Variants in C2CD3 observed in about 807,000 individuals in gnomAD.
C2CD3 encodes the protein C2 domain containing 3 centriole elongation regulator.
C2CD3 carries 148 observed loss-of-function variants against 234.0 expected under a neutral mutation model. The observed-to-expected ratio is 0.63, with a 90% CI of 0.55 to 0.72. The LOEUF (loss-of-function observed/expected upper bound fraction) is 0.72. C2CD3 is among the 30% of genes least tolerant of loss of function. C2CD3 has a pLI of 0.00. For missense variants in C2CD3, 2,577 were observed against 2,811.5 expected, an observed-to-expected ratio of 0.92 and a Z score of 1.89; for synonymous variants, 1,000 against 1,035.4, an observed-to-expected ratio of 0.97 and a Z score of 0.66.
At chr11:74,025,292 T>C (rs572276847) in intron 32 of C2CD3, among the ~76,000 whole-genome samples, 1 of 151,352 alleles carries the variant, frequency 6.6e-6, no homozygotes, top group South Asian at 2.1e-4. Flanking sequence ...GAGCATAGAG[T>C]TGTGAGTGCG....
At chr11:74,111,859 T>G (rs950522168) in intron 11 of C2CD3, among the ~76,000 whole-genome samples, 4 of 150,412 alleles carry the variant, frequency 2.7e-5, no homozygotes, top group African/African-American at 9.8e-5. Flanking sequence ...CAATTCTTCT[T>G]CCAACGTGGC....
chr11:74,050,064 G>A (rs949542495), intron 26 of C2CD3, among the ~76,000 whole-genome samples: 1 of 152,122 alleles, frequency 6.6e-6, no homozygotes, highest in Admixed American at 6.6e-5. Context: ...ACACATGTAA[G>A]CCACCCCACC....
intron 3 of C2CD3, among the ~76,000 whole-genome samples, chr11:74,152,892 A>T (rs1855755314): frequency 2.0e-5 from 3 of 152,332 alleles, no homozygotes; most frequent in East Asian, 1.9e-4. Flanking sequence ...TTTCTAATTG[A>T]TAAAGGACAA....
intron 12 of C2CD3, among the ~76,000 whole-genome samples, chr11:74,107,322 T>TCACACACACACACACACA (rs142285119): frequency 1.6e-4 from 24 of 146,618 alleles, no homozygotes; most frequent in African/African-American, 6.0e-4. Flanking sequence ...TGAAACTGTG[T>TCACACACACACACACACA]CACACACACA....
intron 11 of C2CD3, among the ~76,000 whole-genome samples, chr11:74,111,367 A>G (rs1956737184): frequency 6.6e-6 from 1 of 152,206 alleles, no homozygotes; most frequent in East Asian, 1.9e-4. Flanking sequence ...GGAAAATACC[A>G]TACCCTACCT....
At chr11:74,028,455 G>T in intron 31 of C2CD3, 57 bp from the exon 32 acceptor site, 1 of 1,056,980 alleles carries the variant, frequency 9.5e-7, no homozygotes, top group Non-Finnish European at 1.4e-6. Context: ...TTGCAGTGGA[G>T]GCCAGCATCT....
At chr11:74,154,459 AAATG>A (rs562390446) in intron 3 of C2CD3, among the ~76,000 whole-genome samples, 10 of 152,184 alleles carry the variant, frequency 6.6e-5, no homozygotes, top group Non-Finnish European at 1.0e-4. Flanking sequence ...CTGGGAATAT[AAATG>A]AATGAATGAA....
intron 29 of C2CD3, among the ~76,000 whole-genome samples, chr11:74,041,157 T>C (rs929450391): frequency 6.6e-6 from 1 of 152,112 alleles, no homozygotes; most frequent in Non-Finnish European, 1.5e-5. Context: ...TTTTACATAC[T>C]CTCCTCCTTT....
intron 24 of C2CD3, among the ~76,000 whole-genome samples, chr11:74,068,309 A>C (rs957404189): frequency 2.0e-4 from 30 of 152,132 alleles, no homozygotes; most frequent in Admixed American, 1.9e-3. Context: ...AAATCCTCAC[A>C]ATTAGGAAGA....
At chr11:74,043,843 T>C (rs1456346721) in intron 28 of C2CD3, among the ~76,000 whole-genome samples, 2 of 152,078 alleles carry the variant, frequency 1.3e-5, no homozygotes, top group Non-Finnish European at 2.9e-5. Context: ...ATATATTCTA[T>C]ATATTATTTT....
chr11:74,163,851 A>C (rs551136310), intron 2 of C2CD3, among the ~76,000 whole-genome samples: 4 of 152,350 alleles, frequency 2.6e-5, no homozygotes, highest in Admixed American at 2.6e-4. Flanking sequence ...AATGATGTAC[A>C]CATGAAGAAT....
intron 8 of C2CD3, among the ~76,000 whole-genome samples, chr11:74,120,557 T>G (rs539762375): frequency 2.6e-5 from 4 of 152,360 alleles, no homozygotes; most frequent in African/African-American, 7.2e-5. Flanking sequence ...TTCCAAGGCT[T>G]TGCTATTGTG....
chr11:74,015,797 T>C (rs1951857315), intron 32 of C2CD3, among the ~76,000 whole-genome samples: 1 of 151,388 alleles, frequency 6.6e-6, no homozygotes, highest in African/African-American at 2.4e-5. Context: ...TTGGGCTGGG[T>C]AGCTCACGTC....
chr11:74,136,622 T>C (rs1272997161), intron 5 of C2CD3, among the ~76,000 whole-genome samples: 4 of 152,212 alleles, frequency 2.6e-5, no homozygotes, highest in African/African-American at 9.7e-5. Flanking sequence ...ATTATGTATA[T>C]AAAGCACTTG....
intron 13 of C2CD3, among the ~76,000 whole-genome samples, chr11:74,104,304 A>T (rs2135497829): frequency 6.6e-6 from 1 of 152,384 alleles, no homozygotes; most frequent in South Asian, 2.1e-4. Context: ...AATATTTGCT[A>T]TAAAGGCACT....
intron 14 of C2CD3, 116 bp downstream of exon 14, chr11:74,103,015 A>T: frequency 9.8e-7 from 1 of 1,024,442 alleles, no homozygotes; most frequent in Non-Finnish European, 1.5e-6. Context: ...ACACCAGATA[A>T]TTACGAAGGT....
At chr11:74,046,081 T>C (rs1953359180) in intron 28 of C2CD3, among the ~76,000 whole-genome samples, 1 of 152,208 alleles carries the variant, frequency 6.6e-6, no homozygotes, top group Admixed American at 6.5e-5. Flanking sequence ...TATTAATGTG[T>C]AACTGACATA....
At chr11:74,092,660 C>G (rs1321374644) in intron 18 of C2CD3, 72 bp from the exon 19 acceptor site, 4 of 1,247,270 alleles carry the variant, frequency 3.2e-6, no homozygotes, top group African/African-American at 1.5e-5. Context: ...CACAGATCAG[C>G]CTTCACTACC....
intron 15 of C2CD3, among the ~76,000 whole-genome samples, chr11:74,100,100 C>T (rs1188201746): frequency 6.6e-6 from 1 of 152,168 alleles, no homozygotes; most frequent in Non-Finnish European, 1.5e-5. Flanking sequence ...GAATGGTAAA[C>T]CACCTTTTGA....
Sources: allele counts gnomAD v4.1 joint callset (sites outside exome capture counted in the v4.1 genomes callset), GRCh38; gene constraint gnomAD v4.1.1; transcripts MANE v1.5; gene names NCBI Gene and HGNC (gene_info 2026-07-23, HGNC 2026-07-21).